NIPAL3: variants seen among roughly 807,000 people sequenced by gnomAD.
The protein encoded by NIPAL3 is NIPA-like protein 3.
In NIPAL3, 41 loss-of-function variants were observed where a neutral mutation model predicts 47.2. The ratio of observed to expected loss-of-function variants is 0.87; its 90% CI spans 0.68 to 1.13. NIPAL3 has a LOEUF of 1.13. NIPAL3 is among the 50% of genes most tolerant of loss of function. NIPAL3 has a pLI of 0.00. For missense variants in NIPAL3, 449 were observed against 530.1 expected, an observed-to-expected ratio of 0.85 and a Z score of 1.50; for synonymous variants, 194 against 209.6, an observed-to-expected ratio of 0.93 and a Z score of 0.64.
rs185309707 is a variant in NIPAL3, at chr1:24,446,196, G to A, written c.394+952G>A. Among the ~76,000 whole-genome samples, 1,214 of 152,046 alleles carry A rather than the reference G, an allele frequency of 8.0e-3. 7 individuals are homozygous for A. The highest frequency in any genetic ancestry group is 0.012 in the Non-Finnish European group (800 of 67,964). ...TTTTCAGAGAAAATTGAATGCTTTC[G>A]GGGACTGGGGAGATGGGAACACTTT... On this transcript the variant is annotated intron_variant, in intron 5 of 11. Coordinates refer to ENST00000374399, the MANE Select transcript of NIPAL3 (RefSeq NM_020448.5).
chr1:24,425,923 A>G (rs765826015), intron 2 of NIPAL3, among the ~76,000 whole-genome samples: 4 of 152,224 alleles, frequency 2.6e-5, no homozygotes, highest in Admixed American at 6.5e-5. Context: ...GCAATAAAAT[A>G]TAGGTCCTTT....
Position 24,419,553 on chromosome 1 carries a change from C to T in NIPAL3, c.6C>T (p.Asp2=), listed in dbSNP as rs34807044. 146 of 1,613,390 alleles carry T rather than the reference C, an allele frequency of 9.0e-5. No homozygotes were observed. The African/African-American group carries it at 1.3e-3, about 14-fold the overall frequency. The change falls in exon 2 of 12, where the codon GAC becomes GAT. Residue 2 remains aspartate, a synonymous_variant. Transcript: ENST00000374399. ...GGATGCGCCACTAGACCACCATGGA[C>T]GGATCCCACAGCGCAGCCCTGAAGC... M[D]GSHSAALKLQ...
rs1315149205 is a variant in NIPAL3 at position 24,470,654 on chromosome 1, C to T, written c.*1469C>T. The T allele has an allele frequency of 6.6e-6, 1 of 152,198 alleles. No individual in the cohort carries two copies. Among genetic ancestry groups the T allele is most frequent in the Admixed American group, 6.5e-5 (1 of 15,272 alleles). 9.4% of individuals were successfully genotyped at this position (152,198 alleles called of 1,614,324 possible). On this transcript the variant is annotated 3_prime_UTR_variant, in exon 12 of 12. Transcript: ENST00000374399. ...TACTTAGAGCTACACTCACCACTTC[C>T]CTAGACAGCCTTTAATAGGCATGAT... is the stretch of plus-strand genomic sequence containing the variant.
intron 3 of NIPAL3, among the ~76,000 whole-genome samples, chr1:24,441,151 C>T (rs1645364506): frequency 6.6e-6 from 1 of 152,210 alleles, no homozygotes; most frequent in South Asian, 2.1e-4. Context: ...CCAGCACTGC[C>T]CAGCTTCTGC....
In NIPAL3 at chr1:24,449,642, A is replaced by G. The variant is rs759066432; in HGVS notation, c.540+16A>G. On this transcript the variant is annotated intron_variant, in intron 6 of 11. Coordinates refer to ENST00000374399, the MANE Select transcript of NIPAL3 (RefSeq NM_020448.5). This position sits in a 1 kb window ranked among gnomAD's most constrained non-coding sequence, Gnocchi z 4.5. ...TTTGTACATGGTAAGAGAAGCCTCC[A>G]GTCGTTCCCCCTGAGATGGCAGGAG... is the stretch of plus-strand genomic sequence containing the variant. The G allele has an allele frequency of 6.2e-7, 1 of 1,609,314 alleles. No individual in the cohort carries two copies. The highest frequency in any genetic ancestry group is 1.1e-5 in the South Asian group (1 of 90,928).
At chr1:24,441,905 T>C (rs1183838766) in intron 3 of NIPAL3, 150 bp from the exon 4 acceptor site, 8 of 689,868 alleles carry the variant, frequency 1.2e-5, no homozygotes, top group Admixed American at 2.9e-5. Context: ...AGATCCCCAC[T>C]GTCTTACTCT....
chr1:24,467,641 C>T (rs1314225014), intron 11 of NIPAL3, among the ~76,000 whole-genome samples: 1 of 152,146 alleles, frequency 6.6e-6, no homozygotes, highest in African/African-American at 2.4e-5. Flanking sequence ...TGAGATAGAA[C>T]TTTATAACTA....
intron 2 of NIPAL3, among the ~76,000 whole-genome samples, chr1:24,428,835 G>A (rs767200451): frequency 7.2e-5 from 11 of 152,066 alleles, no homozygotes; most frequent in Non-Finnish European, 8.8e-5. Context: ...TCCTTGTGAG[G>A]TTTATAGTTT....
intron 2 of NIPAL3, among the ~76,000 whole-genome samples, chr1:24,428,302 G>GAGAGAGAGAGAC (rs1242337378): frequency 7.1e-6 from 1 of 141,504 alleles, no homozygotes; most frequent in Admixed American, 7.1e-5. Context: ...GAGAGAGAGA[G>GAGAGAGAGAGAC]ACACCAGAAC....
chr1:24,414,717 G>A (rs1190881077), upstream of NIPAL3: 1 of 151,912 alleles, frequency 6.6e-6, no homozygotes, highest in African/African-American at 2.4e-5. Context: ...AAATTTTTTT[G>A]TAGAGATGGG....
intron 10 of NIPAL3, among the ~76,000 whole-genome samples, chr1:24,462,443 C>G (rs1397869778): frequency 6.6e-6 from 1 of 152,186 alleles, no homozygotes; most frequent in Non-Finnish European, 1.5e-5. Context: ...ATAGTATATT[C>G]AGACAATGGG....
chr1:24,446,069 CGTGTGTGT>C (rs58016013), intron 5 of NIPAL3, among the ~76,000 whole-genome samples: 169 of 147,736 alleles, frequency 1.1e-3, no homozygotes, highest in East Asian at 5.4e-3. Flanking sequence ...AGATTATAGT[CGTGTGTGT>C]GTGTGTGTGT....
At position 24,419,434 on chromosome 1, in the gene NIPAL3, C is replaced by A; in HGVS notation, c.-114C>A. 1 of 1,376,564 alleles carries A rather than the reference C, an allele frequency of 7.3e-7. No homozygotes were observed. The highest frequency in any genetic ancestry group is 9.4e-7 in the Non-Finnish European group (1 of 1,061,570). 85.3% of individuals were successfully genotyped at this position (1,376,564 alleles called of 1,614,324 possible). On this transcript the variant is annotated 5_prime_UTR_variant, in exon 2 of 12. Transcript: ENST00000374399. ...GTATTCTTTTGTCATGAGGAAGTGA[C>A]GGCTGCTGGAGGGAGGTGAACACCA...
rs759794664 is a variant in NIPAL3, at chr1:24,453,523, G to T, written c.637+19G>T. 2 of 1,597,054 alleles carry T rather than the reference G, an allele frequency of 1.3e-6. No homozygotes were observed. The highest frequency in any genetic ancestry group is 4.5e-5 in the East Asian group (2 of 44,728). ...TTACTTGGTAAGTTGGCATCTGGAT[G>T]ATTGAGTTTTGCCACCACCAAGAAG... is the stretch of plus-strand genomic sequence containing the variant. On this transcript the variant is annotated intron_variant, in intron 7 of 11. Coordinates refer to ENST00000374399, the MANE Select transcript of NIPAL3 (RefSeq NM_020448.5).
chr1:24,428,290 G>GAGAGAGAGAGAGAGAGAT (rs1557491592), intron 2 of NIPAL3, among the ~76,000 whole-genome samples: 1 of 151,004 alleles, frequency 6.6e-6, no homozygotes, highest in Non-Finnish European at 1.5e-5. Flanking sequence ...GAGAGAGAGA[G>GAGAGAGAGAGAGAGAGAT]AGAGAGAGAG....
intron 2 of NIPAL3, among the ~76,000 whole-genome samples, chr1:24,433,514 C>T (rs1644969337): frequency 6.6e-6 from 1 of 152,202 alleles, no homozygotes; most frequent in Non-Finnish European, 1.5e-5. Flanking sequence ...GCCTTTGCCA[C>T]ATAATATTAA....
chr1:24,418,332 T>C (rs1644154610), intron 1 of NIPAL3, among the ~76,000 whole-genome samples: 1 of 152,212 alleles, frequency 6.6e-6, no homozygotes, highest in African/African-American at 2.4e-5. Context: ...ATACTTTCTC[T>C]TCTCTGTTTG....
intron 8 of NIPAL3, among the ~76,000 whole-genome samples, chr1:24,457,490 C>T (rs1646268367): frequency 1.3e-5 from 2 of 152,232 alleles, no homozygotes; most frequent in South Asian, 2.1e-4. Flanking sequence ...GGCCTCCAGG[C>T]ACCATAGGAG....
At chr1:24,425,397 G>A (rs1644533579) in intron 2 of NIPAL3, among the ~76,000 whole-genome samples, 1 of 152,104 alleles carries the variant, frequency 6.6e-6, no homozygotes, top group African/African-American at 2.4e-5. Flanking sequence ...TTCTTCCAAT[G>A]TGGCCCAGGG....
Sources: gnomAD v4.1 joint callset for allele counts (sites outside exome capture counted in the v4.1 genomes callset) on GRCh38, gnomAD v4.1.1 for gene constraint, Gnocchi (gnomAD v3.1) non-coding constraint, MANE v1.5 for transcripts, NCBI Gene and HGNC (gene_info 2026-07-23, HGNC 2026-07-21) for gene names.